Variants in SLC39A11 observed in about 807,000 individuals in gnomAD.
SLC39A11 encodes solute carrier family 39 member 11.
A neutral mutation model predicts 36.1 loss-of-function variants in SLC39A11; 33 were observed. The ratio of observed to expected loss-of-function variants is 0.91; its 90% CI spans 0.69 to 1.22. The LOEUF is 1.22. SLC39A11 is among the 50% of genes most tolerant of loss of function. SLC39A11 has a pLI of 0.00. For synonymous variants in SLC39A11, 166 were observed against 170.3 expected (o/e 0.97, Z 0.20); for missense variants, 432 against 430.3 (o/e 1.00, Z -0.03).
chr17:72,947,988 G>A (rs1301414125), intron 4 of SLC39A11, 113 bp from the exon 5 acceptor site: 1 of 1,377,502 alleles, frequency 7.3e-7, no homozygotes, highest in African/African-American at 1.4e-5. Flanking sequence ...GACCGCCACA[G>A]CTGAGCCAGT....
chr17:73,016,593 C>T (rs2058176149), intron 4 of SLC39A11, among the ~76,000 whole-genome samples: 1 of 152,178 alleles, frequency 6.6e-6, no homozygotes, highest in South Asian at 2.1e-4. Flanking sequence ...CTCAGCCTCC[C>T]AAAGTGCTGG....
intron 3 of SLC39A11, among the ~76,000 whole-genome samples, chr17:73,059,282 T>C (rs1286481427): frequency 6.6e-6 from 1 of 152,242 alleles, no homozygotes; most frequent in Non-Finnish European, 1.5e-5. Context: ...TGTTAGTATA[T>C]AACAGTTTAA....
chr17:72,901,922 A>G (rs1201667573), intron 5 of SLC39A11, among the ~76,000 whole-genome samples: 1 of 152,114 alleles, frequency 6.6e-6, no homozygotes, highest in African/African-American at 2.4e-5. Context: ...AGAGGTCATA[A>G]AGATAAGGCC....
At chr17:72,746,697 C>T (rs1373440502) in intron 6 of SLC39A11, among the ~76,000 whole-genome samples, 1 of 152,000 alleles carries the variant, frequency 6.6e-6, no homozygotes, top group Non-Finnish European at 1.5e-5. Context: ...GAGATCACAC[C>T]ACTGCACTCC....
chr17:72,811,123 AAAC>A (rs1335874793), intron 6 of SLC39A11, among the ~76,000 whole-genome samples: 6 of 152,170 alleles, frequency 3.9e-5, no homozygotes, highest in African/African-American at 1.2e-4. Flanking sequence ...AGCAGCTTAC[AAAC>A]AACAATTGTT....
At chr17:72,879,107 G>A (rs1012018436) in intron 5 of SLC39A11, among the ~76,000 whole-genome samples, 5 of 152,192 alleles carry the variant, frequency 3.3e-5, no homozygotes, top group Admixed American at 1.3e-4. Flanking sequence ...GAGCTTCCAC[G>A]CCCTTTCCAG....
intron 6 of SLC39A11, among the ~76,000 whole-genome samples, chr17:72,788,175 C>A (rs1196983416): frequency 6.6e-6 from 1 of 152,172 alleles, no homozygotes; most frequent in Non-Finnish European, 1.5e-5. Context: ...AATCCTTTCC[C>A]CACTGGTTAG....
chr17:72,740,067 T>TTTTC (rs1287903278), intron 6 of SLC39A11, among the ~76,000 whole-genome samples: 1 of 130,646 alleles, frequency 7.7e-6, no homozygotes, highest in African/African-American at 2.9e-5. Flanking sequence ...TTTTTTTTTT[T>TTTTC]TTTTTTTTTT....
At chr17:72,832,584 C>A (rs2078332564) in intron 6 of SLC39A11, among the ~76,000 whole-genome samples, 1 of 152,114 alleles carries the variant, frequency 6.6e-6, no homozygotes, top group African/African-American at 2.4e-5. Flanking sequence ...AAGGAATAGA[C>A]CTAGAAGTAC....
Position 73,068,094 on chromosome 17 carries a change from G to A in SLC39A11, c.147+16714C>T, listed in dbSNP as rs1440177192. The A allele has an allele frequency of 5.6e-6, 8 of 1,431,002 alleles. No individual in the cohort carries two copies. In the African/African-American group the frequency reaches 1.1e-4, roughly 20 times the overall value. The allele number at this position is 1,431,002 out of a possible 1,614,324, so 88.6% of individuals were successfully genotyped here. ...GCCCACTTCTTTGTTTTCATAATAG[G>A]AGTATCTCCCACAGCCTTTAGCAAA... On this transcript the variant is annotated intron_variant, in intron 3 of 9. Coordinates refer to ENST00000255559, the MANE Select transcript of SLC39A11 (RefSeq NM_139177.4).
chr17:73,005,588 C>G (rs1017383878), intron 4 of SLC39A11, among the ~76,000 whole-genome samples: 13 of 152,270 alleles, frequency 8.5e-5, no homozygotes, highest in African/African-American at 3.1e-4. Context: ...AGGCTCTGCC[C>G]GCTCCAGCCA....
intron 3 of SLC39A11, among the ~76,000 whole-genome samples, chr17:73,062,226 T>C (rs1338331415): frequency 6.6e-6 from 1 of 151,462 alleles, no homozygotes; most frequent in Non-Finnish European, 1.5e-5. Context: ...TTGGGAGGCT[T>C]AGGCAGGCAG....
intron 6 of SLC39A11, among the ~76,000 whole-genome samples, chr17:72,831,639 G>A (rs886835176): frequency 6.6e-6 from 1 of 152,176 alleles, no homozygotes; most frequent in Non-Finnish European, 1.5e-5. Context: ...AATTGCTATC[G>A]TAAAAATGCA....
At chr17:72,769,692 G>A (rs181247121) in intron 6 of SLC39A11, among the ~76,000 whole-genome samples, 90 of 152,074 alleles carry the variant, frequency 5.9e-4, no homozygotes, top group Non-Finnish European at 1.8e-4. Flanking sequence ...CTACAGGTGC[G>A]TGCCACCACA....
intron 6 of SLC39A11, chr17:72,837,936 A>G: frequency 1.6e-6 from 2 of 1,229,756 alleles, no homozygotes; most frequent in Non-Finnish European, 2.0e-6. Flanking sequence ...TTTTTTCCTC[A>G]GAGGTACTGC....
intron 5 of SLC39A11, among the ~76,000 whole-genome samples, chr17:72,868,212 T>A (rs570903533): frequency 3.9e-5 from 6 of 152,048 alleles, no homozygotes; most frequent in Non-Finnish European, 8.8e-5. Flanking sequence ...GAGGAACAAA[T>A]AATCCCCATC....
At chr17:72,716,644 TGC>T (rs2073379318) in intron 7 of SLC39A11, among the ~76,000 whole-genome samples, 1 of 151,886 alleles carries the variant, frequency 6.6e-6, no homozygotes, top group South Asian at 2.1e-4. Flanking sequence ...GGAACACACA[TGC>T]AGAGGCACAG....
chr17:72,756,426 C>A (rs541654687), intron 6 of SLC39A11, among the ~76,000 whole-genome samples: 1 of 152,314 alleles, frequency 6.6e-6, no homozygotes, highest in African/African-American at 2.4e-5. Context: ...TGTGGTATAT[C>A]CACACAATGG....
chr17:72,745,569 A>G (rs2074900096), intron 6 of SLC39A11, among the ~76,000 whole-genome samples: 2 of 152,106 alleles, frequency 1.3e-5, no homozygotes, highest in East Asian at 1.9e-4. Context: ...TGAAAGCTCA[A>G]TCTTTCCCTG....
Sources: gnomAD v4.1 joint callset for allele counts (sites outside exome capture counted in the v4.1 genomes callset) on GRCh38, gnomAD v4.1.1 for gene constraint, MANE v1.5 for transcripts, NCBI Gene and HGNC (gene_info 2026-07-23, HGNC 2026-07-21) for gene names.